DYNC2LI1: variants seen among roughly 807,000 people sequenced by gnomAD.
DYNC2LI1 encodes the protein cytoplasmic dynein 2 light intermediate chain 1.
DYNC2LI1 carries 45 observed loss-of-function variants against 51.9 expected under a neutral mutation model. That is an observed-to-expected ratio of 0.87 (90% confidence interval 0.68 to 1.11). The LOEUF (loss-of-function observed/expected upper bound fraction) is 1.11, where lower values mean the gene tolerates loss of function less well. Among genes scored for constraint, DYNC2LI1 ranks in the 50% most tolerant of loss-of-function variants. The pLI, the probability that DYNC2LI1 is intolerant of heterozygous loss-of-function variation, is 0.00. For synonymous variants in DYNC2LI1, 130 were observed against 137.8 expected (o/e 0.94, Z 0.40); for missense variants, 490 against 417.4 (o/e 1.17, Z -1.51).
At chr2:43,828,263 CT>C in the DYNC2LI1 span, 1 of 1,009,554 alleles carries the variant, frequency 9.9e-7, no homozygotes, top group Non-Finnish European at 1.5e-6. Flanking sequence ...GAAAGCATGT[CT>C]TTGATAATAA....
chr2:43,811,322 C>T (rs991575572), downstream of DYNC2LI1, among the ~76,000 whole-genome samples: 1 of 152,126 alleles, frequency 6.6e-6, no homozygotes, highest in Admixed American at 6.6e-5. Context: ...GATAATTTAC[C>T]AATGCCTCCA....
chr2:43,794,125 T>G, intron 5 of DYNC2LI1: 1 of 201,424 alleles, frequency 5.0e-6, no homozygotes, highest in Non-Finnish European at 1.0e-5. Flanking sequence ...TTTGCTTCCC[T>G]TTTTTGGAGC....
chr2:43,823,801 T>C, the DYNC2LI1 span: 2 of 1,261,736 alleles, frequency 1.6e-6, no homozygotes, highest in Non-Finnish European at 2.2e-6. Flanking sequence ...TGGAGAGGGC[T>C]GGGTTTAGCT....
chr2:43,798,205 A>G (rs1665954784), intron 8 of DYNC2LI1, among the ~76,000 whole-genome samples: 1 of 152,168 alleles, frequency 6.6e-6, no homozygotes, highest in South Asian at 2.1e-4. Flanking sequence ...TAGAGACAAC[A>G]TGGTCTAGCC....
the DYNC2LI1 span, among the ~76,000 whole-genome samples, chr2:43,815,730 G>A: frequency 6.6e-6 from 1 of 152,114 alleles, no homozygotes; most frequent in Non-Finnish European, 1.5e-5. Flanking sequence ...AGGATGTGAA[G>A]GAACAGTGGG....
chr2:43,782,749 A>T (rs544021864), intron 2 of DYNC2LI1, among the ~76,000 whole-genome samples: 2 of 152,204 alleles, frequency 1.3e-5, no homozygotes, highest in South Asian at 4.1e-4. Context: ...TGAGAGGCTG[A>T]GGTGGGCAGA....
At chr2:43,809,611 T>C (rs1490435107) in intron 12 of DYNC2LI1, 94 bp from the exon 13 acceptor site, 3 of 783,138 alleles carry the variant, frequency 3.8e-6, no homozygotes, top group Non-Finnish European at 6.4e-6. Context: ...TAAGGATTCA[T>C]TGATATATCT....
chr2:43,810,394 GAT>G, downstream of DYNC2LI1: 1 of 985,374 alleles, frequency 1.0e-6, no homozygotes, highest in Non-Finnish European at 1.2e-6. Context: ...CATCTAAGGA[GAT>G]ATCCTATCAA....
chr2:43,792,944 G>A, intron 5 of DYNC2LI1: 1 of 764,664 alleles, frequency 1.3e-6, no homozygotes, highest in Non-Finnish European at 1.9e-6. Flanking sequence ...ACTATTGTGA[G>A]TAATGCTGGT....
At chr2:43,808,811 G>A (rs368210242) in intron 12 of DYNC2LI1, among the ~76,000 whole-genome samples, 1 of 152,138 alleles carries the variant, frequency 6.6e-6, no homozygotes, top group Non-Finnish European at 1.5e-5. Flanking sequence ...GTGAATGAAC[G>A]CTAATTATTT....
the DYNC2LI1 span, among the ~76,000 whole-genome samples, chr2:43,820,810 C>T: frequency 6.6e-6 from 1 of 152,108 alleles, no homozygotes; most frequent in Non-Finnish European, 1.5e-5. Flanking sequence ...CGCACCACCA[C>T]ACCCAGCTAA....
chr2:43,810,215 A>G (rs181986676), downstream of DYNC2LI1, among the ~76,000 whole-genome samples: 187 of 152,358 alleles, frequency 1.2e-3, 2 homozygotes, highest in African/African-American at 4.3e-3. Flanking sequence ...TTTACTCTTA[A>G]CAGTGAGGCG....
rs78702811 is a variant in DYNC2LI1, at chr2:43,792,533, C to T, written c.321-1924C>T. On this transcript the variant is annotated intron_variant, in intron 5 of 12. Coordinates refer to ENST00000260605, the MANE Select transcript of DYNC2LI1 (RefSeq NM_016008.4). ...TTTTATTGTCGTAAAATATACATAG[C>T]GTAAAATTTTAGTCATTTTTAACTG... 140 of 659,632 alleles carry T rather than the reference C, an allele frequency of 2.1e-4. 3 individuals are homozygous for T. Among genetic ancestry groups the T allele is most frequent in the East Asian group, 1.8e-3 (56 of 30,352 alleles). The allele number at this position is 659,632 out of a possible 1,614,324, so 40.9% of individuals were successfully genotyped here. A position where few individuals can be genotyped will look rare whatever the true frequency, so the allele number is the denominator to read the frequency against.
intron 10 of DYNC2LI1, among the ~76,000 whole-genome samples, chr2:43,802,484 A>G (rs1558695223): frequency 1.3e-5 from 2 of 151,924 alleles, no homozygotes; most frequent in Non-Finnish European, 2.9e-5. Flanking sequence ...AATTGGAATG[A>G]AAGGAATGGA....
chr2:43,795,460 C>T (rs966335085), intron 6 of DYNC2LI1, among the ~76,000 whole-genome samples: 2 of 151,792 alleles, frequency 1.3e-5, no homozygotes, highest in African/African-American at 2.4e-5. Context: ...GCCGAGATCG[C>T]GCCACTACAC....
chr2:43,824,670 G>C, the DYNC2LI1 span: 1 of 976,594 alleles, frequency 1.0e-6, no homozygotes, highest in Non-Finnish European at 1.2e-6. Flanking sequence ...TGATAAAGTA[G>C]TAGCAGTGCG....
downstream of DYNC2LI1, chr2:43,814,536 TG>T: frequency 6.2e-7 from 1 of 1,610,510 alleles, no homozygotes; most frequent in Non-Finnish European, 8.5e-7. Context: ...GCAATATTTT[TG>T]GAATGTAAAA....
At chr2:43,784,532 T>G (rs1673432445) in intron 3 of DYNC2LI1, among the ~76,000 whole-genome samples, 1 of 152,030 alleles carries the variant, frequency 6.6e-6, no homozygotes, top group Non-Finnish European at 1.5e-5. Flanking sequence ...CTCCGCCTCC[T>G]GGGTTCAAGC....
chr2:43,822,670 A>T, the DYNC2LI1 span: 7 of 1,559,056 alleles, frequency 4.5e-6, no homozygotes. Context: ...ATTGCACTAG[A>T]CACTGATGGG....
Sources: gnomAD v4.1 joint callset for allele counts (sites outside exome capture counted in the v4.1 genomes callset) on GRCh38, gnomAD v4.1.1 for gene constraint, MANE v1.5 for transcripts, NCBI Gene and HGNC (gene_info 2026-07-23, HGNC 2026-07-21) for gene names.